The following PYGO1 variants were observed in gnomAD, a reference collection of about 807,000 sequenced individuals.
PYGO1 encodes pygopus family PHD finger 1.
A neutral mutation model predicts 29.5 loss-of-function variants in PYGO1; 6 were observed. The ratio of observed to expected loss-of-function variants is 0.20; its 90% confidence interval spans 0.11 to 0.40. The LOEUF is 0.40. Ranked by LOEUF, PYGO1 falls within the 10% of genes least tolerant of loss-of-function variation. PYGO1 has a pLI of 1.00. For missense variants in PYGO1, 515 were observed against 514.9 expected, an observed-to-expected ratio of 1.00 and a Z score of 0.00; for synonymous variants, 186 against 180.5, an observed-to-expected ratio of 1.03 and a Z score of -0.24.
At chr15:55,587,751 C>A in intron 1 of PYGO1, 84 bp downstream of exon 1, 1 of 1,423,408 alleles carries the variant, frequency 7.0e-7, no homozygotes, top group Non-Finnish European at 9.2e-7. Context: ...CGGACAGAGC[C>A]CCATGGCCTC....
In PYGO1 at chr15:55,549,193, A is replaced by G. The variant is rs115600027; in HGVS notation, c.50-198T>C. On this transcript the variant is annotated intron_variant, in intron 1 of 2. Transcript: ENST00000563719. ...GAAATAGCCATTCATCCCTGCTCCC[A>G]TATTTATTATTCTTTCAGTGAAAAA... Among the ~76,000 whole-genome samples the G allele has an allele frequency of 4.6e-3, 706 of 152,196 alleles. 3 individuals carry two copies. The highest frequency in any genetic ancestry group is 0.016 in the African/African-American group (662 of 41,540).
chr15:55,557,869 T>A (rs4774785), intron 1 of PYGO1, among the ~76,000 whole-genome samples: 134,668 of 152,084 alleles, frequency 0.89, 59,724 homozygotes, highest in Admixed American at 0.92. Flanking sequence ...ATTTATGACA[T>A]ACCCACAGCC....
intron 1 of PYGO1, among the ~76,000 whole-genome samples, chr15:55,578,907 C>T (rs2059014926): frequency 6.6e-6 from 1 of 152,150 alleles, no homozygotes; most frequent in South Asian, 2.1e-4. Context: ...TTATCTACCT[C>T]TAAGATACTA....
chr15:55,571,885 G>C (rs1595991066), intron 1 of PYGO1, among the ~76,000 whole-genome samples: 1 of 151,420 alleles, frequency 6.6e-6, no homozygotes, highest in African/African-American at 2.4e-5. Flanking sequence ...ATTTATTTTG[G>C]GATAATGTGA....
intron 1 of PYGO1, among the ~76,000 whole-genome samples, chr15:55,552,512 G>A (rs1483470321): frequency 6.6e-6 from 1 of 151,958 alleles, no homozygotes; most frequent in African/African-American, 2.4e-5. Flanking sequence ...GACCCACAGA[G>A]AATGAAGAAA....
intron 1 of PYGO1, among the ~76,000 whole-genome samples, chr15:55,562,497 C>T (rs1384272867): frequency 6.6e-6 from 1 of 151,980 alleles, no homozygotes; most frequent in Non-Finnish European, 1.5e-5. Context: ...CATGGTGAAA[C>T]CCTGTCTTTA....
At chr15:55,585,166 C>T (rs1191609529) in intron 1 of PYGO1, among the ~76,000 whole-genome samples, 1 of 152,116 alleles carries the variant, frequency 6.6e-6, no homozygotes, top group African/African-American at 2.4e-5. Context: ...CATGTAATTG[C>T]TATATGTGTG....
rs369576159 is a variant in PYGO1, at chr15:55,544,404, C to G, written c.*1619G>C. 2 of 152,080 alleles carry G rather than the reference C, an allele frequency of 1.3e-5. No individual in the cohort carries two copies. The highest frequency in any genetic ancestry group is 2.4e-5 in the African/African-American group (1 of 41,402). The allele number at this position is 152,080 out of a possible 1,614,324, so 9.4% of individuals were successfully genotyped here. A position where few individuals can be genotyped will look rare whatever the true frequency, so the allele number is the denominator to read the frequency against. ...CTTAGAAAAAGCTCCAAATGATAGA[C>G]AGTAGTCCATGGAATAAAGGTCCAG... On this transcript the variant is annotated 3_prime_UTR_variant, in exon 3 of 3. Transcript: ENST00000563719.
intron 1 of PYGO1, among the ~76,000 whole-genome samples, chr15:55,563,220 C>A (rs1054471398): frequency 6.6e-6 from 1 of 152,018 alleles, no homozygotes; most frequent in Admixed American, 6.6e-5. Flanking sequence ...GTCTAGTATC[C>A]AGAATATATG....
chr15:55,554,468 C>CAAAAAAAAAAAAAAAAAAAAAAAA (rs56216226), intron 1 of PYGO1, among the ~76,000 whole-genome samples: 12 of 122,904 alleles, frequency 9.8e-5, no homozygotes, highest in Admixed American at 3.3e-4. Flanking sequence ...GACTCTGTCT[C>CAAAAAAAAAAAAAAAAAAAAAAAA]AAAAAAAAAA....
intron 1 of PYGO1, among the ~76,000 whole-genome samples, chr15:55,561,895 CTA>C (rs2058934299): frequency 6.6e-6 from 1 of 152,122 alleles, no homozygotes; most frequent in African/African-American, 2.4e-5. Context: ...GCAAAAGAAA[CTA>C]TCATCAGAGT....
intron 1 of PYGO1, among the ~76,000 whole-genome samples, chr15:55,580,705 T>C (rs985952959): frequency 1.3e-5 from 2 of 152,202 alleles, no homozygotes; most frequent in Non-Finnish European, 1.5e-5. Context: ...CTGTACTGTT[T>C]CTCATTATTG....
chr15:55,587,772 G>C (rs2059054996), intron 1 of PYGO1, 63 bp downstream of exon 1: 1 of 1,450,544 alleles, frequency 6.9e-7, no homozygotes, highest in Non-Finnish European at 9.1e-7. Context: ...CCGGCGGCCG[G>C]GCACGGGGCC....
At chr15:55,584,106 CTTTT>C (rs61436067) in intron 1 of PYGO1, among the ~76,000 whole-genome samples, 37 of 123,106 alleles carry the variant, frequency 3.0e-4, no homozygotes, top group Admixed American at 3.5e-4. Context: ...GGTGTCATAC[CTTTT>C]TTTTTTTTTT....
At chr15:55,578,644 A>G (rs2059013839) in intron 1 of PYGO1, among the ~76,000 whole-genome samples, 1 of 152,142 alleles carries the variant, frequency 6.6e-6, no homozygotes, top group Admixed American at 6.5e-5. Context: ...TGGACCATAT[A>G]TATCTTTTCT....
At chr15:55,547,584 C>T (rs1299852368) in intron 2 of PYGO1, among the ~76,000 whole-genome samples, 1 of 152,134 alleles carries the variant, frequency 6.6e-6, no homozygotes, top group East Asian at 1.9e-4. Flanking sequence ...CTAAGTTTTT[C>T]CCCTAGCTTA....
Position 55,546,642 on chromosome 15 carries a change from G to C in PYGO1, c.641C>G (p.Ser214Cys). Residue 214 changes from serine (S) to cysteine (C), a missense_variant, in exon 3 of 3, where the codon TCT (serine) becomes TGT (cysteine). Coordinates refer to ENST00000563719, the MANE Select transcript of PYGO1 (RefSeq NM_001367806.1). Reference sequence around the variant, plus strand: ...AAAAGAATGATTAGATTCTAACGGAGAAGTAAAATTTGAATTATTTCCAGG... The same window carrying C: ...AAAAGAATGATTAGATTCTAACGGACAAGTAAAATTTGAATTATTTCCAGG... ...FVPGNNSNFT[S>C]PLESNHSFIP... The C allele has an allele frequency of 6.2e-7, 1 of 1,614,020 alleles. No individual in the cohort carries two copies. The highest frequency in any genetic ancestry group is 8.5e-7 in the Non-Finnish European group (1 of 1,179,996).
intron 1 of PYGO1, among the ~76,000 whole-genome samples, chr15:55,552,080 C>T (rs1478917018): frequency 3.9e-5 from 6 of 151,948 alleles, no homozygotes; most frequent in Non-Finnish European, 8.8e-5. Context: ...GTGGGCCAGG[C>T]ACAGTGGCTC....
In PYGO1 at chr15:55,587,887, A is replaced by C. The variant is rs1339891496; in HGVS notation, c.-4T>G. ...CCTTCTCCTGTTCTGCTGACATTACAGACCGCAAAGCATGACTCCCCCCCA... is the reference window on the plus strand; with the variant it reads ...CCTTCTCCTGTTCTGCTGACATTACCGACCGCAAAGCATGACTCCCCCCCA... On this transcript the variant is annotated 5_prime_UTR_variant, in exon 1 of 3. Transcript: ENST00000563719. The C allele has an allele frequency of 6.8e-7, 1 of 1,481,262 alleles. No individual in the cohort carries two copies. Among genetic ancestry groups the C allele is most frequent in the Non-Finnish European group, 9.0e-7 (1 of 1,116,822 alleles). The allele number at this position is 1,481,262 out of a possible 1,614,324, so 91.8% of individuals were successfully genotyped here. A position where few individuals can be genotyped will look rare whatever the true frequency, so the allele number is the denominator to read the frequency against.
Sources: allele counts gnomAD v4.1 joint callset (sites outside exome capture counted in the v4.1 genomes callset), GRCh38; gene constraint gnomAD v4.1.1; transcripts MANE v1.5; gene names NCBI Gene and HGNC (gene_info 2026-07-23, HGNC 2026-07-21).